Variants in RCAN2 observed in about 807,000 individuals in gnomAD.
The protein encoded by RCAN2 is regulator of calcineurin 2.
In RCAN2, 9 loss-of-function variants were observed where a neutral mutation model predicts 23.6. That is an observed-to-expected ratio of 0.38 (90% CI 0.23 to 0.67). RCAN2 has a LOEUF of 0.67. RCAN2 is among the 30% of genes least tolerant of loss of function. RCAN2 has a pLI of 0.51. For missense variants in RCAN2, 273 were observed against 302.3 expected (o/e 0.90, Z 0.72); for synonymous variants, 109 against 115.7 (o/e 0.94, Z 0.37).
intron 2 of RCAN2, among the ~76,000 whole-genome samples, chr6:46,362,565 G>C (rs1396316285): frequency 6.6e-6 from 1 of 151,968 alleles, no homozygotes; most frequent in Admixed American, 6.6e-5. Flanking sequence ...TCTTTTATTA[G>C]AGCCTGCATT....
At chr6:46,281,674 A>G (rs1767925584) in intron 2 of RCAN2, among the ~76,000 whole-genome samples, 1 of 152,104 alleles carries the variant, frequency 6.6e-6, no homozygotes, top group East Asian at 1.9e-4. Context: ...TTTTTCTCTT[A>G]TTTTGTTATT....
intron 2 of RCAN2, among the ~76,000 whole-genome samples, chr6:46,275,670 G>A (rs187847385): frequency 2.4e-4 from 37 of 152,256 alleles, no homozygotes; most frequent in Non-Finnish European, 4.4e-4. Flanking sequence ...CTTGTAGCAC[G>A]GCCACAGAGC....
chr6:46,269,198 A>T (rs932074311), intron 2 of RCAN2, among the ~76,000 whole-genome samples: 1 of 152,028 alleles, frequency 6.6e-6, no homozygotes, highest in Non-Finnish European at 1.5e-5. Context: ...TGCATCTATT[A>T]TCTGTTTTTC....
chr6:46,470,306 C>T (rs934464352), intron 1 of RCAN2, among the ~76,000 whole-genome samples: 5 of 152,144 alleles, frequency 3.3e-5, no homozygotes, highest in African/African-American at 1.2e-4. Flanking sequence ...AACTAGGACC[C>T]CCTTTACCTT....
intron 1 of RCAN2, among the ~76,000 whole-genome samples, chr6:46,474,341 T>C (rs1425266186): frequency 6.6e-6 from 1 of 151,822 alleles, no homozygotes; most frequent in Non-Finnish European, 1.5e-5. Flanking sequence ...CATGAGGCGG[T>C]GGGGAGGCAG....
At chr6:46,323,911 A>G (rs776558628) in intron 2 of RCAN2, among the ~76,000 whole-genome samples, 21 of 152,222 alleles carry the variant, frequency 1.4e-4, no homozygotes, top group Non-Finnish European at 2.9e-4. Context: ...AAACGAATAA[A>G]GTTTAGAATA....
At chr6:46,240,017 C>T (rs9472723) in intron 4 of RCAN2, among the ~76,000 whole-genome samples, 2,885 of 152,110 alleles carry the variant, frequency 0.019, 69 homozygotes, top group African/African-American at 0.057. Flanking sequence ...AGAGGGAGAG[C>T]GACCAGAGTA....
chr6:46,435,115 T>C (rs1469989666), intron 2 of RCAN2, among the ~76,000 whole-genome samples: 1 of 152,240 alleles, frequency 6.6e-6, no homozygotes, highest in Non-Finnish European at 1.5e-5. Context: ...CAATAATTAG[T>C]ATTATACAAA....
intron 2 of RCAN2, among the ~76,000 whole-genome samples, chr6:46,405,579 G>A (rs1330560886): frequency 2.0e-5 from 3 of 152,220 alleles, no homozygotes; most frequent in Non-Finnish European, 4.4e-5. Flanking sequence ...TAGATACAGA[G>A]TGTCGATTGG....
At chr6:46,452,351 C>T (rs1767905151) in intron 2 of RCAN2, among the ~76,000 whole-genome samples, 1 of 152,094 alleles carries the variant, frequency 6.6e-6, no homozygotes, top group Non-Finnish European at 1.5e-5. Flanking sequence ...CCCCAAAATC[C>T]CAGTGGCCTG....
chr6:46,468,961 C>T (rs965410161), intron 1 of RCAN2: 1 of 383,430 alleles, frequency 2.6e-6, no homozygotes, highest in East Asian at 1.6e-4. Flanking sequence ...GTCACTGCCC[C>T]CAGCTGCTTC....
intron 2 of RCAN2, among the ~76,000 whole-genome samples, chr6:46,263,800 T>C (rs188354630): frequency 2.4e-4 from 36 of 151,808 alleles, no homozygotes; most frequent in Admixed American, 1.0e-3. Flanking sequence ...CTAAGCCATA[T>C]TTTGCTGGGA....
chr6:46,403,257 G>A (rs988374399), intron 2 of RCAN2, among the ~76,000 whole-genome samples: 5 of 151,164 alleles, frequency 3.3e-5, no homozygotes, highest in African/African-American at 4.8e-5. Flanking sequence ...GAGCCACCGC[G>A]CCCAGCCTAC....
At chr6:46,325,935 TG>T (rs1763783679) in intron 2 of RCAN2, 2 of 968,096 alleles carry the variant, frequency 2.1e-6, no homozygotes, top group South Asian at 4.8e-5. Context: ...TTCTTTGAGG[TG>T]GGGGAGGTGT....
intron 1 of RCAN2, among the ~76,000 whole-genome samples, chr6:46,480,945 G>T (rs1359060990): frequency 2.0e-5 from 3 of 152,186 alleles, no homozygotes; most frequent in Non-Finnish European, 4.4e-5. Context: ...GTTAATAATT[G>T]TGTGAAGAGA....
chr6:46,465,394 T>C (rs1768347066), intron 1 of RCAN2, among the ~76,000 whole-genome samples: 1 of 152,130 alleles, frequency 6.6e-6, no homozygotes. Flanking sequence ...ATTGGATAAT[T>C]TGAAAAGAGT....
chr6:46,475,744 T>C lies in RCAN2; in HGVS notation c.-3+15429A>G, dbSNP rs576537114. On this transcript the variant is annotated intron_variant, in intron 1 of 4. Coordinates refer to ENST00000371374, the MANE Select transcript of RCAN2 (RefSeq NM_001251974.2). ...ACAGAATGGCTACTCGACTCTATGA[T>C]CTAATACTGGAAGTCAGGAGTTATG... 2.6e-5 allele frequency among the ~76,000 whole-genome samples: 4 copies of C among 152,246 alleles called. No individual in the cohort carries two copies. In the South Asian group the frequency reaches 8.3e-4, roughly 32 times the overall value.
chr6:46,365,872 CATT>C (rs1248106917), intron 2 of RCAN2, among the ~76,000 whole-genome samples: 1 of 152,156 alleles, frequency 6.6e-6, no homozygotes, highest in African/African-American at 2.4e-5. Flanking sequence ...TAATGGCTAA[CATT>C]ATTGGTGACT....
chr6:46,425,946 C>T (rs565864644), intron 2 of RCAN2, among the ~76,000 whole-genome samples: 39 of 148,794 alleles, frequency 2.6e-4, no homozygotes, highest in Non-Finnish European at 4.6e-4. Context: ...TCACCCAGGC[C>T]GGAGTGCAGT....
Sources: gnomAD v4.1 joint callset for allele counts (sites outside exome capture counted in the v4.1 genomes callset) on GRCh38, gnomAD v4.1.1 for gene constraint, MANE v1.5 for transcripts, NCBI Gene and HGNC (gene_info 2026-07-23, HGNC 2026-07-21) for gene names.